ADCY2: variants seen among roughly 807,000 people sequenced by gnomAD.
ADCY2 encodes the protein adenylate cyclase 2, also known as adenylate cyclase type 2.
ADCY2 carries 31 observed loss-of-function variants against 125.2 expected under a neutral mutation model. The ratio of observed to expected loss-of-function variants is 0.25; its 90% confidence interval spans 0.19 to 0.33. The LOEUF (loss-of-function observed/expected upper bound fraction) is 0.33. Ranked by LOEUF, ADCY2 falls within the 10% of genes least tolerant of loss-of-function variation. The pLI, the probability that ADCY2 is intolerant of heterozygous loss-of-function variation, is 1.00. For missense variants in ADCY2, 904 were observed against 1,418.2 expected, an observed-to-expected ratio of 0.64 and a Z score of 5.82; for synonymous variants, 512 against 548.4, an observed-to-expected ratio of 0.93 and a Z score of 0.93.
rs1740961178 is a variant in ADCY2 at position 7,698,390 on chromosome 5, A to C, written c.1109+16A>C. The C allele has an allele frequency of 6.2e-7, 1 of 1,613,918 alleles. No homozygotes were observed. ...AAGCCATAAAGTAAGTGGACTGCTT[A>C]GTAAGCATTTTGTTATATGCTTTAA... On this transcript the variant is annotated intron_variant, in intron 7 of 24. Transcript: ENST00000338316.
intron 3 of ADCY2, among the ~76,000 whole-genome samples, chr5:7,545,694 T>C (rs1735126360): frequency 6.6e-6 from 1 of 152,196 alleles, no homozygotes; most frequent in Non-Finnish European, 1.5e-5. Context: ...GTTAGTTCTT[T>C]CTGAAGGTCA....
chr5:7,752,894 C>CTTTTTT (rs11319936), intron 15 of ADCY2, among the ~76,000 whole-genome samples: 2 of 94,384 alleles, frequency 2.1e-5, no homozygotes, highest in African/African-American at 4.0e-5. Context: ...TAGGATTTTC[C>CTTTTTT]TTTTTTTTTT....
At chr5:7,776,417 C>T (rs753324318) in intron 18 of ADCY2, among the ~76,000 whole-genome samples, 6 of 152,172 alleles carry the variant, frequency 3.9e-5, no homozygotes, top group Non-Finnish European at 8.8e-5. Context: ...CTCATTCTTA[C>T]TCCTTGCCTT....
intron 1 of ADCY2, among the ~76,000 whole-genome samples, chr5:7,402,548 G>C (rs1197669446): frequency 1.3e-5 from 2 of 152,138 alleles, no homozygotes; most frequent in Non-Finnish European, 2.9e-5. Context: ...ACCATTGTGG[G>C]CTGCTTTACC....
rs554272632 is a variant in ADCY2, at chr5:7,453,363, C to T, written c.408+38593C>T. ...ATCATTTACTAAACGTTGTGTTCTCCCCCTGATTTATGTTGTTGTATGCTT... is the reference window on the plus strand; with the variant it reads ...ATCATTTACTAAACGTTGTGTTCTCTCCCTGATTTATGTTGTTGTATGCTT... On this transcript the variant is annotated intron_variant, in intron 2 of 24. Coordinates refer to ENST00000338316, the MANE Select transcript of ADCY2 (RefSeq NM_020546.3). Among the ~76,000 whole-genome samples, 4 of 152,124 alleles carry T rather than the reference C, an allele frequency of 2.6e-5. No homozygotes were observed. In the South Asian group the frequency reaches 8.3e-4, roughly 32 times the overall value.
At chr5:7,611,162 C>T (rs560665279) in intron 3 of ADCY2, 2 of 152,186 alleles carry the variant, frequency 1.3e-5, no homozygotes, top group East Asian at 3.9e-4. Context: ...AGGACACTCT[C>T]TCTCCTTTAA....
intron 2 of ADCY2, among the ~76,000 whole-genome samples, chr5:7,460,157 G>T (rs1217451754): frequency 2.6e-5 from 4 of 152,090 alleles, no homozygotes; most frequent in Non-Finnish European, 5.9e-5. Flanking sequence ...GCTGGACTGT[G>T]TGCCTTCTAA....
At chr5:7,783,351 G>T (rs769590551) in intron 18 of ADCY2, among the ~76,000 whole-genome samples, 6 of 152,146 alleles carry the variant, frequency 3.9e-5, no homozygotes, top group Admixed American at 6.5e-5. Context: ...AGCCTGCAGG[G>T]TAGGGGTTGG....
intron 3 of ADCY2, among the ~76,000 whole-genome samples, chr5:7,558,917 T>C (rs7715050): frequency 0.3 from 45,595 of 150,210 alleles, 8,001 homozygotes; most frequent in Non-Finnish European, 0.4. Context: ...CCAGTTATCC[T>C]AGCACCATTT....
chr5:7,463,990 T>G (rs192557559), intron 2 of ADCY2, among the ~76,000 whole-genome samples: 37 of 152,318 alleles, frequency 2.4e-4, no homozygotes, highest in Admixed American at 7.8e-4. Flanking sequence ...TGTATTTTAT[T>G]TGGTGTCCAG....
At chr5:7,477,584 GCAC>G (rs1476716111) in intron 2 of ADCY2, among the ~76,000 whole-genome samples, 1 of 152,204 alleles carries the variant, frequency 6.6e-6, no homozygotes, top group Admixed American at 6.5e-5. Context: ...CCTTAAGTGT[GCAC>G]CAGAGACAGC....
chr5:7,682,298 AAAG>A (rs1252285575), intron 4 of ADCY2, among the ~76,000 whole-genome samples: 9 of 152,298 alleles, frequency 5.9e-5, no homozygotes, highest in African/African-American at 1.9e-4. Context: ...TTTCCGTGCA[AAAG>A]AAGAGACCCG....
Position 7,501,755 on chromosome 5 carries a change from C to T in ADCY2, c.409-18983C>T, listed in dbSNP as rs188120535. ...AGAGAGGGCTCACTTGGCCTTGAGT[C>T]CACCTTCAGCCTTGGTTGGCCTGGA... On this transcript the variant is annotated intron_variant, in intron 2 of 24. Transcript: ENST00000338316. Among the ~76,000 whole-genome samples the T allele has an allele frequency of 2.1e-3, 309 of 147,922 alleles. 1 individual carries two copies. The highest frequency in any genetic ancestry group is 7.1e-3 in the African/African-American group (287 of 40,150).
chr5:7,632,085 T>C (rs1440457310), intron 4 of ADCY2, among the ~76,000 whole-genome samples: 1 of 152,130 alleles, frequency 6.6e-6, no homozygotes, highest in African/African-American at 2.4e-5. Flanking sequence ...CCAGTGAGAC[T>C]TTCTCACTGC....
chr5:7,497,529 T>C (rs1383836588), intron 2 of ADCY2, among the ~76,000 whole-genome samples: 4 of 152,124 alleles, frequency 2.6e-5, no homozygotes, highest in African/African-American at 7.2e-5. Context: ...TCTAAATTTT[T>C]TCACACATCC....
At chr5:7,722,982 A>AAAAAAAAAAAG (rs1278747504) in intron 12 of ADCY2, among the ~76,000 whole-genome samples, 2 of 148,668 alleles carry the variant, frequency 1.3e-5, no homozygotes, top group Non-Finnish European at 3.0e-5. Context: ...AAAAAAAAAA[A>AAAAAAAAAAAG]AAAAGCATGT....
At chr5:7,703,174 T>C (rs2126342267) in intron 7 of ADCY2, among the ~76,000 whole-genome samples, 1 of 152,334 alleles carries the variant, frequency 6.6e-6, no homozygotes, top group South Asian at 2.1e-4. Flanking sequence ...TCCCATTCTG[T>C]AGGTTGCCTG....
intron 2 of ADCY2, among the ~76,000 whole-genome samples, chr5:7,470,641 TGTGTGTGTGTG>T (rs1742301835): frequency 6.6e-6 from 1 of 150,426 alleles, no homozygotes; most frequent in Admixed American, 6.6e-5. Flanking sequence ...TATATGTGTG[TGTGTGTGTGTG>T]TGTGTTTACA....
At position 7,707,842 on chromosome 5, in the gene ADCY2, A is replaced by G. The variant is rs1741309844; in HGVS notation, c.1401+4A>G. 1 of 1,613,746 alleles carries G rather than the reference A, an allele frequency of 6.2e-7. No homozygotes were observed. The highest frequency in any genetic ancestry group is 8.5e-7 in the Non-Finnish European group (1 of 1,179,876). On this transcript the variant is annotated splice_donor_region_variant and intron_variant, in intron 9 of 24. Coordinates refer to ENST00000338316, the MANE Select transcript of ADCY2 (RefSeq NM_020546.3). The stretch of plus-strand genomic sequence containing the variant: ...CTACTTTGTGATCAACCCCAAGGTC[A>G]GTATCATTGTAAAGAGTCTATGATG...
Sources: allele counts gnomAD v4.1 joint callset (sites outside exome capture counted in the v4.1 genomes callset), GRCh38; gene constraint gnomAD v4.1.1; transcripts MANE v1.5; gene names NCBI Gene and HGNC (gene_info 2026-07-23, HGNC 2026-07-21).